The following SYNPR variants were observed in gnomAD, a reference collection of about 807,000 sequenced individuals.
SYNPR encodes synaptoporin.
A neutral mutation model predicts 32.9 loss-of-function variants in SYNPR; 23 were observed. The observed-to-expected ratio is 0.70, with a 90% CI of 0.50 to 0.99. SYNPR has a LOEUF of 0.99. Among genes scored for constraint, SYNPR ranks in the 50% least tolerant of loss-of-function variants. The pLI is 0.00. For missense variants in SYNPR, 318 were observed against 349.3 expected, an observed-to-expected ratio of 0.91 and a Z score of 0.71; for synonymous variants, 146 against 135.9, an observed-to-expected ratio of 1.07 and a Z score of -0.52.
At position 63,480,877 on chromosome 3, in the gene SYNPR, G is replaced by T. The variant is rs769571370; in HGVS notation, c.130G>T (p.Gly44Cys). Residue 44 changes from glycine to cysteine, a missense_variant, in exon 3 of 6, where the codon GGC (glycine) becomes TGC (cysteine). Gly to Cys is a radical substitution (Grantham distance 159). Transcript: ENST00000478300. ...AFATCGGYSG[G>C]LRLSVDCVNK... Reference sequence around the variant, plus strand: ...TGCAACATGCGGTGGCTATTCTGGAGGCCTGCGGCTGAGTGTGGACTGCGT... The same window carrying T: ...TGCAACATGCGGTGGCTATTCTGGATGCCTGCGGCTGAGTGTGGACTGCGT... 6.2e-7 allele frequency: 1 copy of T among 1,613,600 alleles called. No homozygotes were observed. The highest frequency in any genetic ancestry group is 1.1e-5 in the South Asian group (1 of 91,030).
chr3:63,476,018 A>T (rs1700895458), intron 2 of SYNPR, among the ~76,000 whole-genome samples: 1 of 151,124 alleles, frequency 6.6e-6, no homozygotes. Flanking sequence ...CCAAGCGTAA[A>T]AAGTGGAAGA....
chr3:63,514,344 C>A (rs1701754357), intron 3 of SYNPR, among the ~76,000 whole-genome samples: 1 of 152,218 alleles, frequency 6.6e-6, no homozygotes, highest in African/African-American at 2.4e-5. Context: ...CATTGCACAT[C>A]TTTACACCTG....
chr3:63,450,749 G>A (rs1700363990), intron 2 of SYNPR, among the ~76,000 whole-genome samples: 1 of 152,140 alleles, frequency 6.6e-6, no homozygotes, highest in Admixed American at 6.5e-5. Flanking sequence ...GGTTTGCAGT[G>A]GGCTTGTCAC....
intron 2 of SYNPR, among the ~76,000 whole-genome samples, chr3:63,357,584 G>A (rs1294011680): frequency 6.6e-6 from 1 of 152,112 alleles, no homozygotes; most frequent in Non-Finnish European, 1.5e-5. Flanking sequence ...CCTGCCTGCT[G>A]GATTCTCATT....
At chr3:63,581,770 G>A (rs1366358948) in intron 4 of SYNPR, among the ~76,000 whole-genome samples, 1 of 151,774 alleles carries the variant, frequency 6.6e-6, no homozygotes, top group African/African-American at 2.4e-5. Flanking sequence ...AGTTTACTTT[G>A]ACTCTTGCTG....
In SYNPR at chr3:63,420,811, G is replaced by T. The variant is rs569618018; in HGVS notation, c.85-60021G>T. ...AGGAGTTGTATTCAGAATGTTTAAA[G>T]AACTTATAAATCAGTGAGAAAAAAT... On this transcript the variant is annotated intron_variant, in intron 2 of 5. Transcript: ENST00000478300. 4.6e-5 allele frequency among the ~76,000 whole-genome samples: 7 copies of T among 152,198 alleles called. No homozygotes were observed. The South Asian group carries it at 1.2e-3, about 27-fold the overall frequency.
intron 4 of SYNPR, among the ~76,000 whole-genome samples, chr3:63,600,734 T>A (rs1161265797): frequency 6.6e-6 from 1 of 152,126 alleles, no homozygotes; most frequent in African/African-American, 2.4e-5. Context: ...GTGAAGAAGA[T>A]GCCTTGCTTC....
In SYNPR at chr3:63,601,846, C is replaced by T. The variant is rs146658833; in HGVS notation, c.409-7279C>T. On this transcript the variant is annotated intron_variant, in intron 4 of 5. Transcript: ENST00000478300. ...GATTTATACTCCTTTGGGTATATAC[C>T]CAATAATGAGATTGCTGGGTTGAAT... 1.8e-3 allele frequency among the ~76,000 whole-genome samples: 281 copies of T among 152,070 alleles called. 2 individuals are homozygous for T. The highest frequency in any genetic ancestry group is 6.6e-3 in the African/African-American group (275 of 41,468).
At chr3:63,468,194 CAAAAAAAAA>C (rs552378431) in intron 2 of SYNPR, among the ~76,000 whole-genome samples, 4 of 80,834 alleles carry the variant, frequency 4.9e-5, no homozygotes, top group African/African-American at 1.2e-4. Flanking sequence ...AACTCCATCT[CAAAAAAAAA>C]AAAAAAAAAA....
At chr3:63,595,717 TTATATATATATA>T (rs1169780634) in intron 4 of SYNPR, among the ~76,000 whole-genome samples, 243 of 17,822 alleles carry the variant, frequency 0.014, 7 homozygotes, top group African/African-American at 0.015. Context: ...GAATCTTATT[TTATATATATATA>T]TATATATATA....
intron 2 of SYNPR, among the ~76,000 whole-genome samples, chr3:63,468,232 AC>A (rs1700724053): frequency 6.6e-6 from 1 of 151,750 alleles, no homozygotes; most frequent in East Asian, 1.9e-4. Context: ...AATAATCAAA[AC>A]GAGTCCATGA....
intron 3 of SYNPR, among the ~76,000 whole-genome samples, chr3:63,541,733 G>C (rs750969656): frequency 3.9e-5 from 6 of 152,016 alleles, no homozygotes; most frequent in Non-Finnish European, 5.9e-5. Flanking sequence ...GCCCACATGT[G>C]AAATTTCTTT....
intron 3 of SYNPR, among the ~76,000 whole-genome samples, chr3:63,524,456 G>C (rs1466461488): frequency 6.6e-6 from 1 of 152,110 alleles, no homozygotes; most frequent in African/African-American, 2.4e-5. Context: ...AGATGGGGGT[G>C]ACACAAACCA....
intron 2 of SYNPR, among the ~76,000 whole-genome samples, chr3:63,355,588 A>G (rs1221746145): frequency 6.6e-6 from 1 of 152,166 alleles, no homozygotes; most frequent in Non-Finnish European, 1.5e-5. Flanking sequence ...TACCACTTTC[A>G]GAAATCTTAA....
chr3:63,291,758 C>CT (rs1206676749), intron 2 of SYNPR, among the ~76,000 whole-genome samples: 1 of 152,036 alleles, frequency 6.6e-6, no homozygotes, highest in African/African-American at 2.4e-5. Flanking sequence ...TCCAGCTATT[C>CT]TGGGGGAAAA....
intron 2 of SYNPR, among the ~76,000 whole-genome samples, chr3:63,477,174 C>G (rs1700943953): frequency 6.6e-6 from 1 of 152,094 alleles, no homozygotes; most frequent in Non-Finnish European, 1.5e-5. Context: ...AGTCCCCTCC[C>G]ACTCTTTCAA....
rs1559510414 is a variant in SYNPR at position 63,476,148 on chromosome 3, AGGGAGGGAGGGAGGGAG to A, written c.85-4681_85-4665del. 6.8e-4 allele frequency among the ~76,000 whole-genome samples: 15 copies of A among 22,098 alleles called. 1 individual carries two copies. Among genetic ancestry groups the A allele is most frequent in the Non-Finnish European group, 9.3e-4 (11 of 11,792 alleles). The allele number at this position is 22,098 out of a possible 152,430, so 14.5% of individuals were successfully genotyped here. A position where few individuals can be genotyped will look rare whatever the true frequency, so the allele number is the denominator to read the frequency against. On this transcript the variant is annotated intron_variant, in intron 2 of 5. Transcript: ENST00000478300. Reference sequence around the variant, plus strand: ...AAGGAAGGAAGGAAGGAAGGAAGGAAGGGAGGGAGGGAGGGAGGGAGGGAGGGAAGGAAGGGAAGGGA... The same window carrying A: ...AAGGAAGGAAGGAAGGAAGGAAGGAAGGAGGGAGGGAAGGAAGGGAAGGGA...
At chr3:63,348,022 CT>C (rs1394559338) in intron 2 of SYNPR, among the ~76,000 whole-genome samples, 2 of 151,966 alleles carry the variant, frequency 1.3e-5, no homozygotes. Flanking sequence ...ATACAGGTAT[CT>C]GAGTACAGGT....
At chr3:63,458,541 G>A (rs913836771) in intron 2 of SYNPR, among the ~76,000 whole-genome samples, 3 of 152,122 alleles carry the variant, frequency 2.0e-5, no homozygotes, top group African/African-American at 7.2e-5. Flanking sequence ...CAGGTTCTAA[G>A]CAAGCAAGCA....
Sources: allele counts gnomAD v4.1 joint callset (sites outside exome capture counted in the v4.1 genomes callset), GRCh38; gene constraint gnomAD v4.1.1; transcripts MANE v1.5; gene names NCBI Gene and HGNC (gene_info 2026-07-23, HGNC 2026-07-21).